ABHD12: variants seen among roughly 807,000 people sequenced by gnomAD.
ABHD12 encodes lysophosphatidylserine lipase ABHD12.
Under a neutral mutation model 58.3 loss-of-function variants are expected in ABHD12, and 43 were observed. That is an observed-to-expected ratio of 0.74 (90% CI 0.58 to 0.95). ABHD12 has a LOEUF of 0.95. Among genes scored for constraint, ABHD12 ranks in the 40% least tolerant of loss-of-function variants. The pLI is 0.00. For synonymous variants in ABHD12, 219 were observed against 211.2 expected, an observed-to-expected ratio of 1.04 and a Z score of -0.32; for missense variants, 539 against 537.2, an observed-to-expected ratio of 1.00 and a Z score of -0.03.
Position 25,323,339 on chromosome 20 carries a change from C to T in ABHD12, c.408G>A (p.Val136=), listed in dbSNP as rs764119125. 1 of 1,613,608 alleles carries T rather than the reference C, an allele frequency of 6.2e-7. No individual in the cohort carries two copies. Among genetic ancestry groups the T allele is most frequent in the Non-Finnish European group, 8.5e-7 (1 of 1,179,534 alleles). Residue 136 remains valine, a synonymous_variant, in exon 3 of 13, where the codon GTG becomes GTA. Transcript: ENST00000339157. ...CTGGCACTCACCAGACTCCAATGGT[C>T]ACGTCTTCCTCTGGCTGCAGGTAGT... is the stretch of plus-strand genomic sequence containing the variant. The part of the protein sequence containing the change: ...CNYYLQPEED[V]TIGVWHTVPA...
chr20:25,385,264 G>T (rs1277011569), intron 1 of ABHD12, among the ~76,000 whole-genome samples: 1 of 150,516 alleles, frequency 6.6e-6, no homozygotes, highest in Non-Finnish European at 1.5e-5. Flanking sequence ...TTGAAACTGG[G>T]AGGCGGAGGT....
In ABHD12 at chr20:25,363,395, T is replaced by G. The variant is rs535617515; in HGVS notation, c.192-24044A>C. 2.0e-5 allele frequency among the ~76,000 whole-genome samples: 3 copies of G among 151,956 alleles called. No individual in the cohort carries two copies. The South Asian group carries it at 6.2e-4, about 32-fold the overall frequency. ...ACCCACGCCCAGCTAATTTTTGTATTTTTAGTAGAGACGGGGTTTCACCAT... is the reference window on the plus strand; with the variant it reads ...ACCCACGCCCAGCTAATTTTTGTATGTTTAGTAGAGACGGGGTTTCACCAT... On this transcript the variant is annotated intron_variant, in intron 1 of 12. Transcript: ENST00000339157.
chr20:25,383,557 A>C lies in ABHD12; in HGVS notation c.191+6956T>G, dbSNP rs556172145. On this transcript the variant is annotated intron_variant, in intron 1 of 12. Coordinates refer to ENST00000339157, the MANE Select transcript of ABHD12 (RefSeq NM_001042472.3). ...TCATTTGGGCTGGGCGCGGTGGCTC[A>C]CGCCTGTAATCCCAGCACTTTGGGA... Among the ~76,000 whole-genome samples, 40 of 152,346 alleles carry C rather than the reference A, an allele frequency of 2.6e-4. No homozygotes were observed. The South Asian group carries it at 7.5e-3, about 28-fold the overall frequency.
chr20:25,323,275 T>C, intron 3 of ABHD12, 50 bp downstream of exon 3: 1 of 1,156,320 alleles, frequency 8.6e-7, no homozygotes, highest in Non-Finnish European at 1.3e-6. Flanking sequence ...CTCAGTCATG[T>C]AGGGTCCTTT....
chr20:25,308,457 C>G lies in ABHD12; in HGVS notation c.787G>C (p.Glu263Gln). The stretch of plus-strand genomic sequence containing the variant: ...GGCTGGGGCCCAACAAGGCACTCAC[C>G]TCGCTCACAGAGGCGCCGCACCAGA... ...TNLVRRLCER[E>Q]TPPDALILES... Residue 263 changes from glutamate (E) to glutamine (Q), a missense_variant and splice_region_variant, in exon 8 of 13, where the codon GAG becomes CAG. Glu to Gln is a conservative substitution (Grantham distance 29). Transcript: ENST00000339157. The G allele has an allele frequency of 6.2e-7, 1 of 1,611,652 alleles. No individual in the cohort carries two copies. The highest frequency in any genetic ancestry group is 8.5e-7 in the Non-Finnish European group (1 of 1,179,124).
At chr20:25,373,542 G>A (rs6083820) in intron 1 of ABHD12, among the ~76,000 whole-genome samples, 53,001 of 151,132 alleles carry the variant, frequency 0.35, 10,882 homozygotes, top group Non-Finnish European at 0.47. Context: ...CTGAGACACC[G>A]TCTCAAAAAA....
intron 1 of ABHD12, among the ~76,000 whole-genome samples, chr20:25,362,877 T>C (rs2089771581): frequency 6.6e-6 from 1 of 151,894 alleles, no homozygotes; most frequent in African/African-American, 2.4e-5. Context: ...TTCTCCATGT[T>C]GGTCAGGCTA....
intron 1 of ABHD12, among the ~76,000 whole-genome samples, chr20:25,385,676 T>A (rs921091214): frequency 7.2e-6 from 1 of 138,504 alleles, no homozygotes; most frequent in Non-Finnish European, 1.5e-5. Context: ...AAGACCTGCC[T>A]GTACCAAAAA....
chr20:25,295,061 G>A (rs762483321), intron 12 of ABHD12: 1 of 1,609,200 alleles, frequency 6.2e-7, no homozygotes, highest in Admixed American at 1.7e-5. Flanking sequence ...TTAAAATTGT[G>A]AACTCTGCAT....
chr20:25,323,443 A>C lies in ABHD12; in HGVS notation c.317-13T>G. 1 of 1,513,596 alleles carries C rather than the reference A, an allele frequency of 6.6e-7. No individual in the cohort carries two copies. The highest frequency in any genetic ancestry group is 9.2e-7 in the Non-Finnish European group (1 of 1,088,352). 93.8% of individuals were successfully genotyped at this position (1,513,596 alleles called of 1,614,324 possible). A position where few individuals can be genotyped will look rare whatever the true frequency, so the allele number is the denominator to read the frequency against. On this transcript the variant is annotated splice_polypyrimidine_tract_variant and intron_variant, in intron 2 of 12. Transcript: ENST00000339157. ...TAGGGAACTCTTACTGTAGGAAATA[A>C]AGAGATGGAAATTAGGATTACTGGT...
chr20:25,308,467 G>T lies in ABHD12; in HGVS notation c.777C>A (p.Leu259=). Reference sequence around the variant, plus strand: ...CAACAAGGCACTCACCTCGCTCACAGAGGCGCCGCACCAGATTTGTCGCCA... The same window carrying T: ...CAACAAGGCACTCACCTCGCTCACATAGGCGCCGCACCAGATTTGTCGCCA... ...TGVATNLVRR[L]CERETPPDAL... is the part of the protein sequence containing the mutation. The change falls in exon 8 of 13, where the codon CTC becomes CTA. Residue 259 remains leucine, a synonymous_variant. Transcript: ENST00000339157. The T allele has an allele frequency of 6.2e-7, 1 of 1,611,926 alleles. No homozygotes were observed.
At chr20:25,302,913 T>C (rs1161053915) in intron 11 of ABHD12, among the ~76,000 whole-genome samples, 1 of 152,198 alleles carries the variant, frequency 6.6e-6, no homozygotes, top group African/African-American at 2.4e-5. Flanking sequence ...GGACGAGGCC[T>C]GCACACACCC....
rs1489784242 is a variant in ABHD12, at chr20:25,308,209, G to C, written c.788-164C>G. On this transcript the variant is annotated intron_variant, in intron 8 of 12. Transcript: ENST00000339157. ...GATAGCACCAGGGGTGCCCGCCAGG[G>C]GAACAGAGATGGCTCTGGTCACTCC... Among the ~76,000 whole-genome samples, 5 of 152,332 alleles carry C rather than the reference G, an allele frequency of 3.3e-5. No homozygotes were observed. The South Asian group carries it at 8.3e-4, about 25-fold the overall frequency.
At chr20:25,325,198 T>C (rs1438733544) in intron 2 of ABHD12, among the ~76,000 whole-genome samples, 10 of 84,768 alleles carry the variant, frequency 1.2e-4, no homozygotes, top group African/African-American at 4.3e-4. Flanking sequence ...AGAGAGACCC[T>C]GTTTCAAAAA....
chr20:25,358,458 T>C (rs1258526689), intron 1 of ABHD12, among the ~76,000 whole-genome samples: 3 of 152,222 alleles, frequency 2.0e-5, no homozygotes, highest in Non-Finnish European at 4.4e-5. Flanking sequence ...TCTATCCTCA[T>C]GGGCAACAGT....
chr20:25,359,373 G>C (rs188303566), intron 1 of ABHD12, among the ~76,000 whole-genome samples: 4 of 139,908 alleles, frequency 2.9e-5, no homozygotes, highest in Non-Finnish European at 4.6e-5. Flanking sequence ...GCAGTGAGCC[G>C]AGATTGCGCC....
Position 25,321,801 on chromosome 20 carries a change from C to T in ABHD12, c.423-1483G>A, listed in dbSNP as rs553721419. ...TCAGACAGAAACCTGAGGAGTCCCA[C>T]AGTCACACATTGGTCAGTAAATGCT... On this transcript the variant is annotated intron_variant, in intron 3 of 12. Coordinates refer to ENST00000339157, the MANE Select transcript of ABHD12 (RefSeq NM_001042472.3). Among the ~76,000 whole-genome samples the T allele has an allele frequency of 3.3e-5, 5 of 152,234 alleles. No individual in the cohort carries two copies. The South Asian group carries it at 8.3e-4, about 25-fold the overall frequency.
chr20:25,342,956 A>T (rs1007611446), intron 1 of ABHD12, among the ~76,000 whole-genome samples: 1 of 151,772 alleles, frequency 6.6e-6, no homozygotes, highest in Non-Finnish European at 1.5e-5. Context: ...CACTATGCCC[A>T]GCTAATTTTT....
chr20:25,322,719 C>A (rs2089102960), intron 3 of ABHD12, among the ~76,000 whole-genome samples: 2 of 147,688 alleles, frequency 1.4e-5, no homozygotes, highest in Non-Finnish European at 3.0e-5. Context: ...TGTGATTCTT[C>A]CCTTATATTC....
Sources: allele counts gnomAD v4.1 joint callset (sites outside exome capture counted in the v4.1 genomes callset), GRCh38; gene constraint gnomAD v4.1.1; transcripts MANE v1.5; gene names NCBI Gene and HGNC (gene_info 2026-07-23, HGNC 2026-07-21).